The following L3MBTL4 variants were observed in gnomAD, a reference collection of about 807,000 sequenced individuals.
L3MBTL4 encodes the protein L3MBTL histone methyl-lysine binding protein 4.
In L3MBTL4, 70 loss-of-function variants were observed where a neutral mutation model predicts 84.5. The observed-to-expected ratio is 0.83, with a 90% CI of 0.68 to 1.01. The LOEUF (loss-of-function observed/expected upper bound fraction) is 1.01. Among genes scored for constraint, L3MBTL4 ranks in the 50% least tolerant of loss-of-function variants. L3MBTL4 has a pLI of 0.00. For missense variants in L3MBTL4, 715 were observed against 754.8 expected (o/e 0.95, Z 0.62); for synonymous variants, 274 against 259.8 (o/e 1.05, Z -0.52).
intron 4 of L3MBTL4, among the ~76,000 whole-genome samples, chr18:6,271,201 T>C (rs928231208): frequency 6.6e-6 from 1 of 152,244 alleles, no homozygotes; most frequent in Non-Finnish European, 1.5e-5. Flanking sequence ...TAATAGAGTA[T>C]TGTACATTTC....
At chr18:6,384,046 C>A (rs892095712) in intron 1 of L3MBTL4, among the ~76,000 whole-genome samples, 1 of 152,154 alleles carries the variant, frequency 6.6e-6, no homozygotes, top group Non-Finnish European at 1.5e-5. Flanking sequence ...CAATAACTGA[C>A]TTTTTAGAAA....
chr18:6,388,892 G>C (rs2054932167), intron 1 of L3MBTL4, among the ~76,000 whole-genome samples: 1 of 152,046 alleles, frequency 6.6e-6, no homozygotes, highest in Non-Finnish European at 1.5e-5. Flanking sequence ...TAACAGGGAA[G>C]GGCATGGCAA....
At chr18:6,090,505 A>G (rs2058409060) in intron 15 of L3MBTL4, among the ~76,000 whole-genome samples, 1 of 151,664 alleles carries the variant, frequency 6.6e-6, no homozygotes, top group Admixed American at 6.6e-5. Context: ...CCAAATTTGG[A>G]AGCTTATCAA....
At chr18:6,121,031 A>G (rs1234602819) in intron 14 of L3MBTL4, among the ~76,000 whole-genome samples, 3 of 152,178 alleles carry the variant, frequency 2.0e-5, no homozygotes, top group Non-Finnish European at 4.4e-5. Context: ...TCTACTAGAT[A>G]AGTGATGTTT....
At chr18:6,207,156 C>T (rs993004337) in intron 12 of L3MBTL4, among the ~76,000 whole-genome samples, 1 of 152,140 alleles carries the variant, frequency 6.6e-6, no homozygotes, top group Non-Finnish European at 1.5e-5. Flanking sequence ...ATTTCAGAGT[C>T]ATTTATTTGT....
chr18:6,284,793 G>T (rs1042449691), intron 4 of L3MBTL4, among the ~76,000 whole-genome samples: 8 of 152,232 alleles, frequency 5.3e-5, no homozygotes, highest in Admixed American at 4.6e-4. Context: ...GACATGGGTG[G>T]AGGCAGCTAG....
At chr18:6,213,293 C>T (rs1326106474) in intron 11 of L3MBTL4, 34 bp from the exon 12 acceptor site, 4 of 1,263,958 alleles carry the variant, frequency 3.2e-6, no homozygotes, top group Middle Eastern at 1.9e-4. Context: ...ACAAATCATG[C>T]AAAATTCAGT....
chr18:6,124,544 TAGA>T (rs1315003037), intron 14 of L3MBTL4, among the ~76,000 whole-genome samples: 3 of 151,744 alleles, frequency 2.0e-5, no homozygotes, highest in African/African-American at 7.3e-5. Flanking sequence ...TGGTAAAAAC[TAGA>T]AGATGATAGC....
At chr18:6,185,248 C>T (rs1210266945) in intron 12 of L3MBTL4, among the ~76,000 whole-genome samples, 3 of 152,194 alleles carry the variant, frequency 2.0e-5, no homozygotes, top group African/African-American at 7.2e-5. Context: ...CATACACATG[C>T]TGACACGTGC....
chr18:6,164,084 T>C (rs1212284383), intron 13 of L3MBTL4, among the ~76,000 whole-genome samples: 1 of 152,200 alleles, frequency 6.6e-6, no homozygotes, highest in African/African-American at 2.4e-5. Flanking sequence ...CGCTCATTGC[T>C]AGCACAGCAG....
At chr18:6,157,586 T>A (rs549992703) in intron 13 of L3MBTL4, among the ~76,000 whole-genome samples, 1 of 152,336 alleles carries the variant, frequency 6.6e-6, no homozygotes, top group East Asian at 1.9e-4. Flanking sequence ...GTTGTATTTA[T>A]ATACGTGCAG....
chr18:6,300,162 A>G (rs934361767), intron 4 of L3MBTL4, among the ~76,000 whole-genome samples: 3 of 152,216 alleles, frequency 2.0e-5, no homozygotes, highest in African/African-American at 7.2e-5. Context: ...AATCCCCATT[A>G]TAATGCTAGC....
At position 6,329,172 on chromosome 18, in the gene L3MBTL4, G is replaced by A. The variant is rs74331487; in HGVS notation, c.-90-17116C>T. ...TTTTCTTTTTTTTTTTTTTTTTTTT[G>A]AGACGGAGTTTGGCTTTGTCGCCCA... is the stretch of plus-strand genomic sequence containing the variant. On this transcript the variant is annotated intron_variant, in intron 1 of 18. Coordinates refer to ENST00000317931, the MANE Select transcript of L3MBTL4 (RefSeq NM_001330559.2). Among the ~76,000 whole-genome samples the A allele has an allele frequency of 5.1e-5, 2 of 39,116 alleles. 1 individual carries two copies. Among genetic ancestry groups the A allele is most frequent in the African/African-American group, 1.6e-4 (2 of 12,372 alleles). The allele number at this position is 39,116 out of a possible 152,430, so 25.7% of individuals were successfully genotyped here. A position where few individuals can be genotyped will look rare whatever the true frequency, so the allele number is the denominator to read the frequency against.
intron 1 of L3MBTL4, among the ~76,000 whole-genome samples, chr18:6,383,796 A>G (rs533833737): frequency 6.6e-6 from 1 of 152,174 alleles, no homozygotes; most frequent in South Asian, 2.1e-4. Context: ...GTGTTTCCTA[A>G]GTTTTTTGCT....
chr18:6,373,595 G>T (rs572435039), intron 1 of L3MBTL4, among the ~76,000 whole-genome samples: 2 of 152,198 alleles, frequency 1.3e-5, no homozygotes, highest in Admixed American at 1.3e-4. Flanking sequence ...AATGTACCCT[G>T]CCAACAAGGA....
chr18:5,966,887 T>C (rs1332740464), intron 17 of L3MBTL4, among the ~76,000 whole-genome samples: 2 of 132,558 alleles, frequency 1.5e-5, no homozygotes, highest in Non-Finnish European at 3.2e-5. Context: ...GTCTCACTTT[T>C]TCTTCTTCTA....
chr18:6,040,828 G>A (rs1390164062), intron 16 of L3MBTL4, among the ~76,000 whole-genome samples: 1 of 152,126 alleles, frequency 6.6e-6, no homozygotes, highest in African/African-American at 2.4e-5. Context: ...TCCCATGGCT[G>A]GCCTTCTGCT....
At chr18:5,993,262 T>C (rs1399129744) in intron 16 of L3MBTL4, among the ~76,000 whole-genome samples, 1 of 152,146 alleles carries the variant, frequency 6.6e-6, no homozygotes, top group Non-Finnish European at 1.5e-5. Context: ...TCCAAGTAAC[T>C]CTTTCCAAAG....
rs2055784271 is a variant in L3MBTL4, at chr18:6,407,477, A to G, written c.-91+7324T>C. On this transcript the variant is annotated intron_variant, in intron 1 of 18. Coordinates refer to ENST00000317931, the MANE Select transcript of L3MBTL4 (RefSeq NM_001330559.2). Reference sequence around the variant, plus strand: ...TTGGAAGTACTATGCTGGCATCTCCAATAATTCACCTTTATGATATCAAAG... The same window carrying G: ...TTGGAAGTACTATGCTGGCATCTCCGATAATTCACCTTTATGATATCAAAG... Among the ~76,000 whole-genome samples the G allele has an allele frequency of 2.0e-5, 3 of 152,266 alleles. No individual in the cohort carries two copies. In the South Asian group the frequency reaches 6.2e-4, roughly 31 times the overall value.
Sources: allele counts gnomAD v4.1 joint callset (sites outside exome capture counted in the v4.1 genomes callset), GRCh38; gene constraint gnomAD v4.1.1; transcripts MANE v1.5; gene names NCBI Gene and HGNC (gene_info 2026-07-23, HGNC 2026-07-21).